CYB5R4: variants seen among roughly 807,000 people sequenced by gnomAD.
The protein encoded by CYB5R4 is cytochrome b5 reductase 4.
In CYB5R4, 55 loss-of-function variants were observed where a neutral mutation model predicts 70.2. That is an observed-to-expected ratio of 0.78 (90% CI 0.63 to 0.98). CYB5R4 has a LOEUF of 0.98. Among genes scored for constraint, CYB5R4 ranks in the 50% least tolerant of loss-of-function variants. The probability of loss-of-function intolerance (pLI) is 0.00; values close to 1 mark genes in which losing one functional copy is unlikely to be tolerated. For missense variants in CYB5R4, 562 were observed against 612.6 expected (o/e 0.92, Z 0.87); for synonymous variants, 197 against 199.5 (o/e 0.99, Z 0.11).
At chr6:83,897,193 G>C (rs562928885) in intron 3 of CYB5R4, among the ~76,000 whole-genome samples, 3 of 152,204 alleles carry the variant, frequency 2.0e-5, no homozygotes, top group Admixed American at 6.5e-5. Context: ...AGTTTGCTGA[G>C]AATGATGGTT....
intron 15 of CYB5R4, 142 bp from the exon 16 acceptor site, chr6:83,959,682 G>T: frequency 1.5e-6 from 1 of 663,740 alleles, no homozygotes; most frequent in African/African-American, 1.9e-5. Flanking sequence ...TTTAAGAGGT[G>T]ATAGTGTTTT....
intron 14 of CYB5R4, among the ~76,000 whole-genome samples, chr6:83,948,391 T>C (rs2099470980): frequency 6.6e-6 from 1 of 152,010 alleles, no homozygotes; most frequent in Non-Finnish European, 1.5e-5. Flanking sequence ...AAGGGAGGGA[T>C]AGAATTAGGA....
At chr6:83,939,719 C>T (rs2099469461) in intron 12 of CYB5R4, among the ~76,000 whole-genome samples, 1 of 152,068 alleles carries the variant, frequency 6.6e-6, no homozygotes, top group African/African-American at 2.4e-5. Context: ...GCAATCAATC[C>T]TTTATTGATA....
At position 83,961,703 on chromosome 6, in the gene CYB5R4, A is replaced by G. The variant is rs2099473372; in HGVS notation, c.*1825A>G. Reference sequence around the variant, plus strand: ...TGAAAATAGACTAATATAAAAAGAGACTATTTACCACTTTTTTTTAGTTCA... The same window carrying G: ...TGAAAATAGACTAATATAAAAAGAGGCTATTTACCACTTTTTTTTAGTTCA... On this transcript the variant is annotated 3_prime_UTR_variant, in exon 16 of 16. Transcript: ENST00000369681. The G allele has an allele frequency of 6.6e-6, 1 of 152,018 alleles. No homozygotes were observed. Among genetic ancestry groups the G allele is most frequent in the African/African-American group, 2.4e-5 (1 of 41,390 alleles). The allele number at this position is 152,018 out of a possible 1,614,324, so 9.4% of individuals were successfully genotyped here. A position where few individuals can be genotyped will look rare whatever the true frequency, so the allele number is the denominator to read the frequency against.
chr6:83,940,313 C>G (rs1440584047), intron 13 of CYB5R4, 107 bp downstream of exon 13: 11 of 1,167,242 alleles, frequency 9.4e-6, no homozygotes, highest in Non-Finnish European at 9.5e-6. Context: ...TTACCATTTC[C>G]TCATTCATCA....
chr6:83,926,367 T>C (rs1480439605), intron 10 of CYB5R4: 2 of 152,020 alleles, frequency 1.3e-5, no homozygotes, highest in African/African-American at 4.8e-5. Flanking sequence ...CTTTTTTTTT[T>C]TTTCTTAGAA....
intron 3 of CYB5R4, among the ~76,000 whole-genome samples, chr6:83,903,504 C>T (rs1179292568): frequency 2.0e-5 from 3 of 151,772 alleles, no homozygotes; most frequent in Non-Finnish European, 4.4e-5. Context: ...TGTTTTTGTA[C>T]ACTTACTTGG....
At chr6:83,913,074 G>T (rs923520824) in intron 4 of CYB5R4, among the ~76,000 whole-genome samples, 1 of 152,154 alleles carries the variant, frequency 6.6e-6, no homozygotes, top group African/African-American at 2.4e-5. Context: ...TGATAAATGA[G>T]ATTTATTAAA....
intron 14 of CYB5R4, among the ~76,000 whole-genome samples, chr6:83,948,376 G>A (rs1308206955): frequency 1.3e-5 from 2 of 152,112 alleles, no homozygotes; most frequent in East Asian, 1.9e-4. Context: ...ACAGGGTGGG[G>A]GCCAAAGGGA....
chr6:83,874,313 C>G (rs1322754515), intron 2 of CYB5R4, among the ~76,000 whole-genome samples: 3 of 151,176 alleles, frequency 2.0e-5, no homozygotes, highest in Non-Finnish European at 2.9e-5. Flanking sequence ...ACCTCAGCCT[C>G]CAAAGTAGCT....
chr6:83,909,829 A>G (rs144377232), intron 4 of CYB5R4, among the ~76,000 whole-genome samples: 320 of 152,302 alleles, frequency 2.1e-3, no homozygotes, highest in African/African-American at 7.1e-3. Context: ...TGTTGTTAGA[A>G]CGAAAGTAAA....
At chr6:83,887,671 T>C (rs1161594526) in intron 2 of CYB5R4, among the ~76,000 whole-genome samples, 1 of 151,764 alleles carries the variant, frequency 6.6e-6, no homozygotes, top group Non-Finnish European at 1.5e-5. Context: ...TTAGTTTTAA[T>C]AAGTGGCTCT....
At chr6:83,906,153 C>G (rs1023026655) in intron 3 of CYB5R4, among the ~76,000 whole-genome samples, 3 of 152,144 alleles carry the variant, frequency 2.0e-5, no homozygotes, top group African/African-American at 7.2e-5. Flanking sequence ...CAGAGTGGTG[C>G]TGCCTTCAGT....
At chr6:83,918,327 T>TA (rs1192736540) in intron 6 of CYB5R4, among the ~76,000 whole-genome samples, 2 of 151,926 alleles carry the variant, frequency 1.3e-5, no homozygotes, top group Non-Finnish European at 2.9e-5. Flanking sequence ...TTTCTGATTA[T>TA]AAAAAAATAC....
intron 1 of CYB5R4, among the ~76,000 whole-genome samples, chr6:83,863,554 A>C (rs1304142075): frequency 6.6e-6 from 1 of 152,150 alleles, no homozygotes; most frequent in African/African-American, 2.4e-5. Context: ...ATTTTGGTCC[A>C]AACTGGTTAA....
intron 3 of CYB5R4, among the ~76,000 whole-genome samples, chr6:83,894,655 C>T (rs183288606): frequency 6.6e-6 from 1 of 152,198 alleles, no homozygotes; most frequent in African/African-American, 2.4e-5. Flanking sequence ...AGAAGCCTTA[C>T]TTATAACATA....
intron 2 of CYB5R4, among the ~76,000 whole-genome samples, chr6:83,868,050 T>G (rs1256527623): frequency 6.6e-6 from 1 of 152,234 alleles, no homozygotes; most frequent in Non-Finnish European, 1.5e-5. Flanking sequence ...TTTAAAATAT[T>G]ACTGATAGCT....
chr6:83,862,306 T>C (rs1019722993), intron 1 of CYB5R4, among the ~76,000 whole-genome samples: 1 of 152,206 alleles, frequency 6.6e-6, no homozygotes, highest in African/African-American at 2.4e-5. Flanking sequence ...CAAATACTTA[T>C]TGAGAACCTA....
chr6:83,924,690 T>G, intron 10 of CYB5R4, 98 bp downstream of exon 10: 1 of 1,289,442 alleles, frequency 7.8e-7, no homozygotes, highest in South Asian at 1.4e-5. Context: ...TGAAATGAGC[T>G]GAAGGGTCCT....
Sources: gnomAD v4.1 joint callset for allele counts (sites outside exome capture counted in the v4.1 genomes callset) on GRCh38, gnomAD v4.1.1 for gene constraint, MANE v1.5 for transcripts, NCBI Gene and HGNC (gene_info 2026-07-23, HGNC 2026-07-21) for gene names.